The following DPYSL3 variants were observed in gnomAD, a reference collection of about 807,000 sequenced individuals.
DPYSL3 encodes dihydropyrimidinase-related protein 3.
Under a neutral mutation model 66.1 loss-of-function variants are expected in DPYSL3, and 16 were observed. The ratio of observed to expected loss-of-function variants is 0.24; its 90% CI spans 0.16 to 0.37. DPYSL3 has a LOEUF of 0.37. Among genes scored for constraint, DPYSL3 ranks in the 10% least tolerant of loss-of-function variants. The pLI is 1.00. For missense variants in DPYSL3, 738 were observed against 916.2 expected (o/e 0.81, Z 2.51); for synonymous variants, 338 against 345.1 (o/e 0.98, Z 0.23).
rs746870672 is a variant in DPYSL3, at chr5:147,401,566, C to T, written c.1284G>A (p.Pro428=). 4.3e-5 allele frequency: 69 copies of T among 1,613,200 alleles called. No homozygotes were observed. The highest frequency in any genetic ancestry group is 6.7e-5 in the East Asian group (3 of 44,864). ...TGGCCAGCAAGGAGTTGATGTAGTCCGGAGTAGTTGGGTCAGGGCTCAGGG... is the reference window on the plus strand; with the variant it reads ...TGGCCAGCAAGGAGTTGATGTAGTCTGGAGTAGTTGGGTCAGGGCTCAGGG... ...SPPLSPDPTT[P]DYINSLLASG... is the part of the protein sequence containing the mutation. The change falls in exon 9 of 14, where the codon CCG becomes CCA. Residue 428 remains proline, a synonymous_variant. Transcript: ENST00000343218.
rs1012194075 is a variant in DPYSL3, at chr5:147,392,828, T to G, written c.*1207A>C. The stretch of plus-strand genomic sequence containing the variant: ...AAACAGGTGGTTTGGAATGGAAAGG[T>G]GGAACCAGGTCCACAAAATGTGCTC... On this transcript the variant is annotated 3_prime_UTR_variant, in exon 14 of 14. Transcript: ENST00000343218. The G allele has an allele frequency of 6.6e-6, 1 of 152,214 alleles. No individual in the cohort carries two copies. The highest frequency in any genetic ancestry group is 1.5e-5 in the Non-Finnish European group (1 of 68,054). The allele number at this position is 152,214 out of a possible 1,614,324, so 9.4% of individuals were successfully genotyped here.
rs533832093 is a variant in DPYSL3, at chr5:147,412,695, T to C, written c.883-7A>G. 6.2e-7 allele frequency: 1 copy of C among 1,607,988 alleles called. No homozygotes were observed. Among genetic ancestry groups the C allele is most frequent in the African/African-American group, 1.3e-5 (1 of 74,838 alleles). On this transcript the variant is annotated splice_polypyrimidine_tract_variant and splice_region_variant and intron_variant, in intron 5 of 13. Transcript: ENST00000343218. Reference sequence around the variant, plus strand: ...AGGTGAAGATCTCATAGAGCTGAAATAGAAATGAGTCTTTGTCACTCTTGC... The same window carrying C: ...AGGTGAAGATCTCATAGAGCTGAAACAGAAATGAGTCTTTGTCACTCTTGC...
intron 2 of DPYSL3, among the ~76,000 whole-genome samples, chr5:147,421,672 A>G (rs996832223): frequency 3.3e-5 from 5 of 152,200 alleles, no homozygotes; most frequent in Non-Finnish European, 1.5e-5. Flanking sequence ...ACATAGACCA[A>G]TGGAACAGAG....
At chr5:147,423,899 G>A (rs1202764304) in intron 2 of DPYSL3, among the ~76,000 whole-genome samples, 1 of 152,084 alleles carries the variant, frequency 6.6e-6, no homozygotes, top group Non-Finnish European at 1.5e-5. Flanking sequence ...TTTTGTATTA[G>A]TAAAGACAGG....
At position 147,509,383 on chromosome 5, in the gene DPYSL3, C is replaced by A; in HGVS notation, c.381+95G>T. The A allele has an allele frequency of 7.1e-7, 1 of 1,409,886 alleles. No homozygotes were observed. Among genetic ancestry groups the A allele is most frequent in the Non-Finnish European group, 9.3e-7 (1 of 1,074,742 alleles). The allele number at this position is 1,409,886 out of a possible 1,614,324, so 87.3% of individuals were successfully genotyped here. A position where few individuals can be genotyped will look rare whatever the true frequency, so the allele number is the denominator to read the frequency against. The stretch of plus-strand genomic sequence containing the variant: ...CTCCTCCTTGTCCCCCAGCCCCGTG[C>A]AAAGTGAGCTGGAGAAAGTTGTGCC... On this transcript the variant is annotated intron_variant, in intron 1 of 13. Transcript: ENST00000343218. This position sits in a 1 kb window ranked among gnomAD's most constrained non-coding sequence, Gnocchi z 5.3.
At chr5:147,499,225 T>C (rs1753566651) in intron 1 of DPYSL3, among the ~76,000 whole-genome samples, 1 of 152,184 alleles carries the variant, frequency 6.6e-6, no homozygotes, top group African/African-American at 2.4e-5. Flanking sequence ...GCAGATGACA[T>C]GATTATCTAT....
In DPYSL3 at chr5:147,399,105, C is replaced by T. The variant is rs372122886; in HGVS notation, c.1600G>A (p.Val534Ile). The T allele has an allele frequency of 3.0e-5, 48 of 1,614,016 alleles. No individual in the cohort carries two copies. Among genetic ancestry groups the T allele is most frequent in the African/African-American group, 4.0e-5 (3 of 74,918 alleles). The change falls in exon 11 of 14, where the codon GTC (valine) becomes ATC (isoleucine). Residue 534 changes from valine to isoleucine, a missense_variant. Coordinates refer to ENST00000343218, the MANE Select transcript of DPYSL3 (RefSeq NM_001197294.2). ...ACAGACTGGTGGTTCTTGGCAGAGA[C>T]GATCTTCACAGCATCTGGATCCCAG... ...VIWDPDAVKI[V>I]SAKNHQSAAE...
intron 8 of DPYSL3, among the ~76,000 whole-genome samples, chr5:147,403,926 A>G (rs978627273): frequency 4.6e-5 from 7 of 152,140 alleles, no homozygotes; most frequent in Non-Finnish European, 1.0e-4. Flanking sequence ...ATTTTTGTCC[A>G]TGAAGTTTAA....
chr5:147,469,993 TTCAGCTAAAGACA>T (rs1246012136), intron 1 of DPYSL3, among the ~76,000 whole-genome samples: 1 of 152,202 alleles, frequency 6.6e-6, no homozygotes, highest in African/African-American at 2.4e-5. Flanking sequence ...TGGACATTGC[TTCAGCTAAAGACA>T]TCCATTTTGT....
chr5:147,493,050 T>A (rs1251391739), intron 1 of DPYSL3, among the ~76,000 whole-genome samples: 1 of 152,160 alleles, frequency 6.6e-6, no homozygotes, highest in Non-Finnish European at 1.5e-5. Flanking sequence ...CTATATTAAT[T>A]TCATCCAGAA....
At chr5:147,494,255 A>G (rs1403550893) in intron 1 of DPYSL3, among the ~76,000 whole-genome samples, 1 of 152,220 alleles carries the variant, frequency 6.6e-6, no homozygotes, top group African/African-American at 2.4e-5. Context: ...ATGTATTAAA[A>G]AAGAAGAAAT....
intron 1 of DPYSL3, among the ~76,000 whole-genome samples, chr5:147,479,895 T>C (rs1029323284): frequency 1.1e-4 from 17 of 152,322 alleles, no homozygotes; most frequent in African/African-American, 4.1e-4. Context: ...AACTGAGTGG[T>C]GTTTCATTTA....
Position 147,481,082 on chromosome 5 carries a change from A to G in DPYSL3, c.381+28396T>C, listed in dbSNP as rs114680957. 4.0e-3 allele frequency among the ~76,000 whole-genome samples: 606 copies of G among 152,316 alleles called. 5 individuals are homozygous for G. The highest frequency in any genetic ancestry group is 0.013 in the African/African-American group (550 of 41,586). On this transcript the variant is annotated intron_variant, in intron 1 of 13. Transcript: ENST00000343218. ...TATAATGCTTTAAAGTTTACAAAAA[A>G]TTTCATACGCATTATTTCATAAAAT... is the stretch of plus-strand genomic sequence containing the variant.
chr5:147,494,531 T>C (rs796758059), intron 1 of DPYSL3, among the ~76,000 whole-genome samples: 46 of 150,674 alleles, frequency 3.1e-4, no homozygotes, highest in African/African-American at 1.0e-3. Context: ...ATATCAGAAA[T>C]GAAATAGGGA....
At chr5:147,500,784 T>C (rs1753595633) in intron 1 of DPYSL3, among the ~76,000 whole-genome samples, 2 of 152,102 alleles carry the variant, frequency 1.3e-5, no homozygotes, top group Non-Finnish European at 1.5e-5. Context: ...ACACACCTAG[T>C]AGAATGGCCA....
At chr5:147,505,573 A>T (rs1362269317) in intron 1 of DPYSL3, among the ~76,000 whole-genome samples, 1 of 152,220 alleles carries the variant, frequency 6.6e-6, no homozygotes, top group Non-Finnish European at 1.5e-5. Flanking sequence ...CACTTCTGTT[A>T]TTTAACCTCA....
At chr5:147,453,491 G>T (rs1248118741) in intron 1 of DPYSL3, 15 of 1,499,628 alleles carry the variant, frequency 1.0e-5, no homozygotes, top group Admixed American at 2.1e-5. Context: ...GACCCCGCCC[G>T]CAGCGCAGCG....
At chr5:147,479,360 G>A (rs555896898) in intron 1 of DPYSL3, among the ~76,000 whole-genome samples, 26 of 152,214 alleles carry the variant, frequency 1.7e-4, no homozygotes, top group African/African-American at 5.3e-4. Flanking sequence ...AGGTCTCAGC[G>A]CCTTTGGCTG....
intron 1 of DPYSL3, chr5:147,453,421 G>GACCCCGGGTCTCCGTCCC: frequency 7.5e-7 from 1 of 1,338,490 alleles, no homozygotes; most frequent in Non-Finnish European, 9.7e-7. Context: ...CCGCCACCCG[G>GACCCCGGGTCTCCGTCCC]ACCCCGGGTC....
Sources: allele counts gnomAD v4.1 joint callset (sites outside exome capture counted in the v4.1 genomes callset), GRCh38; gene constraint gnomAD v4.1.1; non-coding constraint Gnocchi (gnomAD v3.1); transcripts MANE v1.5; gene names NCBI Gene and HGNC (gene_info 2026-07-23, HGNC 2026-07-21).